STMN3: variants seen among roughly 807,000 people sequenced by gnomAD.
STMN3 encodes stathmin-3.
A neutral mutation model predicts 23.2 loss-of-function variants in STMN3; 24 were observed. The ratio of observed to expected loss-of-function variants is 1.03; its 90% CI spans 0.75 to 1.45. The LOEUF is 1.45. Ranked by LOEUF, STMN3 falls within the 40% of genes most tolerant of loss-of-function variation. The pLI, the probability that STMN3 is intolerant of heterozygous loss-of-function variation, is 0.00. For missense variants in STMN3, 235 were observed against 237.6 expected, an observed-to-expected ratio of 0.99 and a Z score of 0.07; for synonymous variants, 117 against 103.4, an observed-to-expected ratio of 1.13 and a Z score of -0.80.
intron 1 of STMN3, among the ~76,000 whole-genome samples, chr20:63,647,402 G>A (rs2089817450): frequency 2.0e-5 from 3 of 150,886 alleles, no homozygotes; most frequent in Non-Finnish European, 2.9e-5. Flanking sequence ...AGATCATGAG[G>A]TCAGGAGTTC....
At position 63,653,399 on chromosome 20, in the gene STMN3, G is replaced by C. The variant is rs1601066038; in HGVS notation, c.-54C>G. The C allele has an allele frequency of 5.4e-6, 8 of 1,489,826 alleles. No homozygotes were observed. The East Asian group carries it at 2.0e-4, about 37-fold the overall frequency. The allele number at this position is 1,489,826 out of a possible 1,614,324, so 92.3% of individuals were successfully genotyped here. On this transcript the variant is annotated 5_prime_UTR_variant, in exon 1 of 5. Transcript: ENST00000370053. Reference sequence around the variant, plus strand: ...GCTGGAGAGGCGCAAGTGGCGGCCGGAGCTGCAGACGGCTGGTGCTGCAGT... The same window carrying C: ...GCTGGAGAGGCGCAAGTGGCGGCCGCAGCTGCAGACGGCTGGTGCTGCAGT...
intron 1 of STMN3, among the ~76,000 whole-genome samples, chr20:63,649,697 A>AT (rs1223948429): frequency 6.6e-6 from 1 of 151,578 alleles, no homozygotes. Flanking sequence ...CGCCCAGCTA[A>AT]TTTTTTGTAT....
chr20:63,645,992 G>A (rs181880651), intron 1 of STMN3, among the ~76,000 whole-genome samples: 6 of 152,020 alleles, frequency 3.9e-5, no homozygotes, highest in Non-Finnish European at 7.4e-5. Flanking sequence ...AAAGGAAGGA[G>A]GGAGGGAGGG....
At chr20:63,647,797 A>G (rs1290325873) in intron 1 of STMN3, among the ~76,000 whole-genome samples, 3 of 127,334 alleles carry the variant, frequency 2.4e-5, no homozygotes, top group African/African-American at 5.6e-5. Flanking sequence ...TAATATATAT[A>G]CGTATATATA....
chr20:63,650,917 TCTC>T (rs1365366908), intron 1 of STMN3, among the ~76,000 whole-genome samples: 2 of 142,054 alleles, frequency 1.4e-5, no homozygotes, highest in South Asian at 2.4e-4. Context: ...CAGCTCTCCT[TCTC>T]CTTCTCTTTC....
chr20:63,647,779 T>C lies in STMN3; in HGVS notation c.20-3470A>G, dbSNP rs2089824121. 1.6e-5 allele frequency among the ~76,000 whole-genome samples: 2 copies of C among 124,698 alleles called. 1 individual carries two copies. Among genetic ancestry groups the C allele is most frequent in the Non-Finnish European group, 3.4e-5 (2 of 59,358 alleles). 81.8% of individuals were successfully genotyped at this position (124,698 alleles called of 152,430 possible). A position where few individuals can be genotyped will look rare whatever the true frequency, so the allele number is the denominator to read the frequency against. ...TAATATATATACATATATACACGTG[T>C]ATATATATAATATATATACGTATAT... On this transcript the variant is annotated intron_variant, in intron 1 of 4. Transcript: ENST00000370053.
intron 1 of STMN3, among the ~76,000 whole-genome samples, chr20:63,647,960 GTATATATATATATATATATACA>G (rs1303276934): frequency 3.7e-5 from 2 of 53,360 alleles, no homozygotes; most frequent in Admixed American, 2.3e-4. Context: ...ATATATATAT[GTATATATATATATATATATACA>G]TATATATATA....
At position 63,642,267 on chromosome 20, in the gene STMN3, C is replaced by T. The variant is rs755763470; in HGVS notation, c.324G>A (p.Ala108=). 6.5e-7 allele frequency: 1 copy of T among 1,544,350 alleles called. No homozygotes were observed. Among genetic ancestry groups the T allele is most frequent in the Non-Finnish European group, 8.7e-7 (1 of 1,146,876 alleles). The stretch of plus-strand genomic sequence containing the variant: ...CCTCGCGCTCGTGCTCGCGCCGCTC[C>T]GCCAGCTGCTTCAGCACCTGCGCCT... ...TQEAQVLKQL[A]ERREHEREVL... Residue 108 remains alanine (A), a synonymous_variant, in exon 4 of 5, where the codon GCG becomes GCA. Transcript: ENST00000370053.
intron 1 of STMN3, 40 bp downstream of exon 1, chr20:63,653,287 G>A: frequency 6.5e-7 from 1 of 1,543,744 alleles, no homozygotes; most frequent in Non-Finnish European, 8.7e-7. Flanking sequence ...CCTCTGCTCA[G>A]ATCCCGCCGC....
At chr20:63,643,455 A>G (rs1156428920) in intron 3 of STMN3, among the ~76,000 whole-genome samples, 1 of 151,894 alleles carries the variant, frequency 6.6e-6, no homozygotes, top group Non-Finnish European at 1.5e-5. Flanking sequence ...CTAATTTTGT[A>G]TTTTTAGTAC....
chr20:63,641,635 G>A (rs1267080906), intron 4 of STMN3, among the ~76,000 whole-genome samples: 4 of 152,206 alleles, frequency 2.6e-5, no homozygotes, highest in Non-Finnish European at 5.9e-5. Context: ...TCGTACCGGA[G>A]CCGAGCTTCC....
At chr20:63,641,804 T>C (rs1601053595) in intron 4 of STMN3, among the ~76,000 whole-genome samples, 1 of 76,420 alleles carries the variant, frequency 1.3e-5, no homozygotes, top group South Asian at 4.5e-4. Flanking sequence ...CGCCTCGGAG[T>C]CCCCGGCCCC....
intron 1 of STMN3, among the ~76,000 whole-genome samples, chr20:63,647,177 G>A (rs60903289): frequency 0.034 from 5,082 of 150,826 alleles, 280 homozygotes; most frequent in African/African-American, 0.11. Flanking sequence ...GCGTGGTGGC[G>A]GGCTCCTCTA....
At chr20:63,648,189 TTCCACAGCAGCAGG>T (rs2089833421) in intron 1 of STMN3, among the ~76,000 whole-genome samples, 1 of 151,574 alleles carries the variant, frequency 6.6e-6, no homozygotes, top group Non-Finnish European at 1.5e-5. Flanking sequence ...CAGCCATGTG[TTCCACAGCAGCAGG>T]TCAGGAGACA....
chr20:63,644,585 C>T (rs1569068698), intron 1 of STMN3, among the ~76,000 whole-genome samples: 1 of 152,230 alleles, frequency 6.6e-6, no homozygotes, highest in Non-Finnish European at 1.5e-5. Context: ...ATGTCTGTCT[C>T]ATCTTCCACA....
chr20:63,645,324 G>A (rs1441286313), intron 1 of STMN3, among the ~76,000 whole-genome samples: 1 of 151,946 alleles, frequency 6.6e-6, no homozygotes, highest in Non-Finnish European at 1.5e-5. Context: ...TGGTCACCTT[G>A]AGATGAAACC....
chr20:63,651,964 A>G (rs570407669), intron 1 of STMN3, among the ~76,000 whole-genome samples: 1 of 152,186 alleles, frequency 6.6e-6, no homozygotes, highest in East Asian at 1.9e-4. Flanking sequence ...CCTGGAGAGG[A>G]CGGCGCTGCC....
chr20:63,653,235 GCGTCCGCTGC>G, intron 1 of STMN3, 82 bp downstream of exon 1: 1 of 1,473,180 alleles, frequency 6.8e-7, no homozygotes, highest in Non-Finnish European at 9.2e-7. Flanking sequence ...AGGGAAATTG[GCGTCCGCTGC>G]CGGCCGCTGC....
At chr20:63,641,686 C>T (rs1175714135) in intron 4 of STMN3, among the ~76,000 whole-genome samples, 1 of 152,194 alleles carries the variant, frequency 6.6e-6, no homozygotes, top group Non-Finnish European at 1.5e-5. Flanking sequence ...CCATCTATTA[C>T]TGCGGCTAGT....
Sources: gnomAD v4.1 joint callset for allele counts (sites outside exome capture counted in the v4.1 genomes callset) on GRCh38, gnomAD v4.1.1 for gene constraint, MANE v1.5 for transcripts, NCBI Gene and HGNC (gene_info 2026-07-23, HGNC 2026-07-21) for gene names.